CSMD1: variants seen among roughly 807,000 people sequenced by gnomAD.
CSMD1 encodes CUB and Sushi multiple domains 1.
CSMD1 carries 213 observed loss-of-function variants against 417.5 expected under a neutral mutation model. The observed-to-expected ratio is 0.51, with a 90% CI of 0.46 to 0.57. The LOEUF (loss-of-function observed/expected upper bound fraction) is 0.57. CSMD1 is among the 20% of genes least tolerant of loss of function. The pLI is 0.00. For synonymous variants in CSMD1, 2,862 were observed against 1,736.8 expected (o/e 1.65, Z -16.11); for missense variants, 6,923 against 4,529.7 (o/e 1.53, Z -15.17).
At chr8:4,158,742 C>A (rs988926142) in intron 3 of CSMD1, among the ~76,000 whole-genome samples, 11 of 152,130 alleles carry the variant, frequency 7.2e-5, no homozygotes, top group African/African-American at 2.7e-4. Flanking sequence ...TGAGAACCAC[C>A]ATCATCGTCA....
At chr8:4,680,030 T>C (rs775751419) in intron 1 of CSMD1, among the ~76,000 whole-genome samples, 39 of 152,314 alleles carry the variant, frequency 2.6e-4, no homozygotes, top group Admixed American at 3.3e-4. Flanking sequence ...ACTTTAATCT[T>C]AGCAATGTAT....
At chr8:3,543,375 A>C (rs1207180007) in intron 10 of CSMD1, among the ~76,000 whole-genome samples, 1 of 152,176 alleles carries the variant, frequency 6.6e-6, no homozygotes, top group Non-Finnish European at 1.5e-5. Flanking sequence ...CTGACTTTTG[A>C]AAATAATCAC....
At chr8:3,784,123 T>A (rs1162314101) in intron 5 of CSMD1, among the ~76,000 whole-genome samples, 1 of 148,546 alleles carries the variant, frequency 6.7e-6, no homozygotes, top group Admixed American at 6.6e-5. Flanking sequence ...TAATTACAAA[T>A]TCTTTTTCCT....
At chr8:4,557,646 G>C (rs1369347211) in intron 2 of CSMD1, among the ~76,000 whole-genome samples, 1 of 151,394 alleles carries the variant, frequency 6.6e-6, no homozygotes, top group African/African-American at 2.4e-5. Context: ...CAGAAAGGAA[G>C]GATGGAAATA....
chr8:4,345,869 T>C (rs1374451673), intron 3 of CSMD1, among the ~76,000 whole-genome samples: 1 of 152,144 alleles, frequency 6.6e-6, no homozygotes, highest in Non-Finnish European at 1.5e-5. Flanking sequence ...TTACATGCAC[T>C]GACAGGCAGA....
intron 2 of CSMD1, among the ~76,000 whole-genome samples, chr8:4,504,851 A>G (rs1283994761): frequency 1.3e-5 from 2 of 152,192 alleles, no homozygotes; most frequent in Non-Finnish European, 2.9e-5. Context: ...CATGATATAT[A>G]TGTGCCATAT....
chr8:4,731,989 G>A (rs927993208), intron 1 of CSMD1, among the ~76,000 whole-genome samples: 4 of 152,160 alleles, frequency 2.6e-5, no homozygotes, highest in African/African-American at 7.2e-5. Flanking sequence ...TTATGAGAAG[G>A]AGGAGAGAAA....
At position 4,406,435 on chromosome 8, in the gene CSMD1, C is replaced by T. The variant is rs142551579; in HGVS notation, c.415+13518G>A. Among the ~76,000 whole-genome samples the T allele has an allele frequency of 3.8e-4, 58 of 152,284 alleles. 1 individual carries two copies. The highest frequency in any genetic ancestry group is 1.1e-3 in the African/African-American group (44 of 41,550). ...CATAAAAATGATACCCCAAGAGCCA[C>T]AAATTTCAAATTTCTGATAAATCTA... On this transcript the variant is annotated intron_variant, in intron 3 of 69. Transcript: ENST00000635120.
chr8:4,251,487 A>G (rs541464186), intron 3 of CSMD1, among the ~76,000 whole-genome samples: 63 of 152,320 alleles, frequency 4.1e-4, no homozygotes, highest in African/African-American at 1.5e-3. Context: ...AGCACATATT[A>G]GAAGACAAAG....
At chr8:3,627,993 T>C (rs547146567) in intron 7 of CSMD1, among the ~76,000 whole-genome samples, 25 of 152,298 alleles carry the variant, frequency 1.6e-4, no homozygotes, top group African/African-American at 5.8e-4. Context: ...ACCTTATATA[T>C]CTAATATGAA....
chr8:4,939,372 T>C (rs1807829992), intron 1 of CSMD1, among the ~76,000 whole-genome samples: 1 of 152,196 alleles, frequency 6.6e-6, no homozygotes, highest in African/African-American at 2.4e-5. Flanking sequence ...CACTATTCAT[T>C]AATAGCCAAG....
At chr8:4,081,143 G>C (rs1800108823) in intron 3 of CSMD1, among the ~76,000 whole-genome samples, 1 of 152,106 alleles carries the variant, frequency 6.6e-6, no homozygotes, top group African/African-American at 2.4e-5. Flanking sequence ...CTTGATCTTA[G>C]ACTTCCCAGC....
chr8:3,431,041 C>T (rs1351886988), intron 12 of CSMD1, among the ~76,000 whole-genome samples: 6 of 152,230 alleles, frequency 3.9e-5, no homozygotes, highest in African/African-American at 7.2e-5. Flanking sequence ...AGGAACCCTG[C>T]TAGTAATGGA....
intron 3 of CSMD1, among the ~76,000 whole-genome samples, chr8:4,164,398 G>C (rs185411482): frequency 4.9e-4 from 75 of 152,232 alleles, no homozygotes; most frequent in African/African-American, 1.8e-3. Flanking sequence ...ACACATTCAG[G>C]TAAGTGATGC....
chr8:3,891,597 T>G (rs1336745542), intron 5 of CSMD1, among the ~76,000 whole-genome samples: 1 of 152,022 alleles, frequency 6.6e-6, no homozygotes, highest in Non-Finnish European at 1.5e-5. Flanking sequence ...ATGCGAGGAT[T>G]GTTTGAGCCC....
intron 2 of CSMD1, among the ~76,000 whole-genome samples, chr8:4,573,798 C>G (rs546372381): frequency 1.2e-4 from 18 of 152,300 alleles, no homozygotes; most frequent in African/African-American, 4.1e-4. Context: ...GGGCTGCTGC[C>G]TTTCTTTCAG....
intron 25 of CSMD1, among the ~76,000 whole-genome samples, chr8:3,297,229 T>C (rs955768414): frequency 6.6e-6 from 1 of 152,170 alleles, no homozygotes; most frequent in Non-Finnish European, 1.5e-5. Context: ...AGTTCAGTAT[T>C]ATAAAAGATG....
intron 1 of CSMD1, among the ~76,000 whole-genome samples, chr8:4,756,446 C>T (rs545739265): frequency 1.7e-4 from 26 of 152,124 alleles, no homozygotes; most frequent in Non-Finnish European, 2.6e-4. Context: ...GTTTCCTAAA[C>T]GCTAAAAGTT....
At chr8:3,610,608 T>C (rs899673949) in intron 8 of CSMD1, among the ~76,000 whole-genome samples, 7 of 152,130 alleles carry the variant, frequency 4.6e-5, no homozygotes, top group African/African-American at 1.7e-4. Context: ...CACTACACAA[T>C]CCTAAGCTAC....
Sources: gnomAD v4.1 joint callset for allele counts (sites outside exome capture counted in the v4.1 genomes callset) on GRCh38, gnomAD v4.1.1 for gene constraint, MANE v1.5 for transcripts, NCBI Gene and HGNC (gene_info 2026-07-23, HGNC 2026-07-21) for gene names.